The following AJAP1 variants were observed in gnomAD, a reference collection of about 807,000 sequenced individuals.
AJAP1 encodes adherens junction-associated protein 1.
Under a neutral mutation model 35.0 loss-of-function variants are expected in AJAP1, and 5 were observed. The observed-to-expected ratio is 0.14, with a 90% CI of 0.07 to 0.30. AJAP1 has a LOEUF of 0.30. Ranked by LOEUF, AJAP1 falls within the 10% of genes least tolerant of loss-of-function variation. AJAP1 has a pLI of 1.00. For missense variants in AJAP1, 586 were observed against 571.0 expected (o/e 1.03, Z -0.27); for synonymous variants, 284 against 249.3 (o/e 1.14, Z -1.31).
chr1:4,782,575 C>CAAACA lies in AJAP1; in HGVS notation c.*104_*108dup. On this transcript the variant is annotated 3_prime_UTR_variant, in exon 6 of 6. Transcript: ENST00000378191. The surrounding 1 kb of genome is among the most constrained non-coding windows in gnomAD (Gnocchi z 5.3). ...CGTTGGTGAACCTGTAAAAACAAAACAAACAAAACAAAACAAAAAAGACAA... is the reference window on the plus strand; with the variant it reads ...CGTTGGTGAACCTGTAAAAACAAAACAAACAAAACAAAACAAAACAAAAAAGACAA... 1 of 394,952 alleles carries CAAACA rather than the reference C, an allele frequency of 2.5e-6. No individual in the cohort carries two copies. The highest frequency in any genetic ancestry group is 4.5e-6 in the Non-Finnish European group (1 of 224,266). The allele number at this position is 394,952 out of a possible 1,614,324, so 24.5% of individuals were successfully genotyped here. A position where few individuals can be genotyped will look rare whatever the true frequency, so the allele number is the denominator to read the frequency against.
intron 1 of AJAP1, among the ~76,000 whole-genome samples, chr1:4,698,270 C>T (rs897122753): frequency 3.3e-5 from 5 of 152,170 alleles, no homozygotes; most frequent in Non-Finnish European, 5.9e-5. Context: ...GCCCCCACGC[C>T]GCTGTCCCCT....
intron 1 of AJAP1, among the ~76,000 whole-genome samples, chr1:4,669,138 G>A (rs1399178013): frequency 2.6e-5 from 4 of 152,180 alleles, no homozygotes; most frequent in Admixed American, 6.5e-5. Flanking sequence ...ACAATGTTGT[G>A]CAACCATCAC....
intron 2 of AJAP1, among the ~76,000 whole-genome samples, chr1:4,753,091 C>T (rs549622415): frequency 9.8e-5 from 15 of 152,310 alleles, no homozygotes; most frequent in East Asian, 3.9e-4. Flanking sequence ...CCTTCTTTTA[C>T]GGCGTTTTAT....
At chr1:4,701,323 A>G (rs1396382483) in intron 1 of AJAP1, among the ~76,000 whole-genome samples, 1 of 152,214 alleles carries the variant, frequency 6.6e-6, no homozygotes, top group Non-Finnish European at 1.5e-5. Flanking sequence ...AAACTGAAGC[A>G]TAGGTTGGTT....
intron 1 of AJAP1, among the ~76,000 whole-genome samples, chr1:4,688,106 C>A (rs555704323): frequency 6.6e-6 from 1 of 152,182 alleles, no homozygotes; most frequent in Non-Finnish European, 1.5e-5. Flanking sequence ...GGGAAGGGGG[C>A]AGCTGAGGCT....
chr1:4,728,496 A>G (rs917255501), intron 2 of AJAP1, among the ~76,000 whole-genome samples: 2 of 152,228 alleles, frequency 1.3e-5, no homozygotes, highest in African/African-American at 4.8e-5. Flanking sequence ...ACCTGCTCCC[A>G]GTGGCTGCCC....
chr1:4,749,409 G>A (rs1227522050), intron 2 of AJAP1, among the ~76,000 whole-genome samples: 1 of 152,206 alleles, frequency 6.6e-6, no homozygotes, highest in Admixed American at 6.5e-5. Flanking sequence ...CACCCATGGG[G>A]TTTCTGTAAA....
intron 1 of AJAP1, among the ~76,000 whole-genome samples, chr1:4,669,421 C>CA (rs1451425425): frequency 6.6e-6 from 1 of 152,152 alleles, no homozygotes; most frequent in Non-Finnish European, 1.5e-5. Flanking sequence ...ACAATCATGG[C>CA]AGAAGGCAAA....
intron 2 of AJAP1, among the ~76,000 whole-genome samples, chr1:4,765,896 G>A (rs1453627955): frequency 6.6e-6 from 1 of 152,152 alleles, no homozygotes. Flanking sequence ...CCATAAACTA[G>A]AGGCTGTGGG....
At chr1:4,743,974 A>G (rs1304841727) in intron 2 of AJAP1, among the ~76,000 whole-genome samples, 1 of 152,054 alleles carries the variant, frequency 6.6e-6, no homozygotes, top group East Asian at 1.9e-4. Context: ...TGCGGAGGTG[A>G]AGTGATGTGG....
intron 1 of AJAP1, among the ~76,000 whole-genome samples, chr1:4,709,236 G>A (rs1640167183): frequency 6.9e-6 from 1 of 144,880 alleles, no homozygotes; most frequent in Non-Finnish European, 1.5e-5. Flanking sequence ...GGGCTGGTGG[G>A]GCCTGGTGGG....
chr1:4,714,289 G>T lies in AJAP1; in HGVS notation c.829+1590G>T, dbSNP rs3820249. Among the ~76,000 whole-genome samples, 2,093 of 152,318 alleles carry T rather than the reference G, an allele frequency of 0.014. 106 individuals carry two copies. In the East Asian group the frequency reaches 0.17, roughly 12 times the overall value. ...TCCTGCATCGGCTTCCTCCCATGCA[G>T]CCTCTTTTGGGAATCCACGGACATG... On this transcript the variant is annotated intron_variant, in intron 2 of 5. Coordinates refer to ENST00000378191, the MANE Select transcript of AJAP1 (RefSeq NM_018836.4).
At chr1:4,760,397 G>A (rs1408970624) in intron 2 of AJAP1, among the ~76,000 whole-genome samples, 1 of 152,066 alleles carries the variant, frequency 6.6e-6, no homozygotes, top group East Asian at 1.9e-4. Context: ...TCATGCATGT[G>A]TGTTCATGCA....
intron 1 of AJAP1, among the ~76,000 whole-genome samples, chr1:4,670,495 C>T (rs1639228507): frequency 6.6e-6 from 1 of 152,196 alleles, no homozygotes; most frequent in African/African-American, 2.4e-5. Flanking sequence ...TAACAAGGAA[C>T]TTGTGACCCA....
intron 1 of AJAP1, among the ~76,000 whole-genome samples, chr1:4,701,850 G>A (rs906167845): frequency 1.3e-5 from 2 of 152,166 alleles, no homozygotes; most frequent in African/African-American, 4.8e-5. Flanking sequence ...TAGATGCAGG[G>A]TGGCACCTGC....
chr1:4,772,095 TA>T (rs3835206), intron 3 of AJAP1, among the ~76,000 whole-genome samples, 184 bp from the exon 4 acceptor site: 5 of 147,014 alleles, frequency 3.4e-5, no homozygotes, highest in East Asian at 4.0e-4. Context: ...TTTTTTTTTT[TA>T]AAAAAAAAGA....
intron 5 of AJAP1, among the ~76,000 whole-genome samples, chr1:4,778,881 G>A (rs1354937713): frequency 6.6e-6 from 1 of 152,262 alleles, no homozygotes; most frequent in Admixed American, 6.5e-5. Context: ...CACCTCTGCC[G>A]CGTCTCTGAG....
rs1402627263 is a variant in AJAP1, at chr1:4,787,487, G to A, written c.*5002G>A. 3.1e-6 allele frequency: 1 copy of A among 326,928 alleles called. No individual in the cohort carries two copies. The highest frequency in any genetic ancestry group is 6.1e-6 in the Non-Finnish European group (1 of 163,996). 20.3% of individuals were successfully genotyped at this position (326,928 alleles called of 1,614,324 possible). On this transcript the variant is annotated 3_prime_UTR_variant, in exon 6 of 6. Coordinates refer to ENST00000378191, the MANE Select transcript of AJAP1 (RefSeq NM_018836.4). The stretch of plus-strand genomic sequence containing the variant: ...TGTTGGATGGAGGAAGAAGGCCTTA[G>A]TCTTAGCTCTTGGATAAAATGCAGT...
chr1:4,732,720 G>C (rs1640828048), intron 2 of AJAP1, among the ~76,000 whole-genome samples: 1 of 152,234 alleles, frequency 6.6e-6, no homozygotes, highest in Non-Finnish European at 1.5e-5. Context: ...CGAGACCTGG[G>C]GTGAGTCACA....
Sources: allele counts gnomAD v4.1 joint callset (sites outside exome capture counted in the v4.1 genomes callset), GRCh38; gene constraint gnomAD v4.1.1; non-coding constraint Gnocchi (gnomAD v3.1); transcripts MANE v1.5; gene names NCBI Gene and HGNC (gene_info 2026-07-23, HGNC 2026-07-21).